Variants in PPP1R10 observed in about 807,000 individuals in gnomAD.
The protein encoded by PPP1R10 is protein phosphatase 1 regulatory subunit 10.
A neutral mutation model predicts 99.0 loss-of-function variants in PPP1R10; 15 were observed. The ratio of observed to expected loss-of-function variants is 0.15; its 90% CI spans 0.10 to 0.23. The LOEUF (loss-of-function observed/expected upper bound fraction) is 0.23, where lower values mean the gene tolerates loss of function less well. Among genes scored for constraint, PPP1R10 ranks in the 10% least tolerant of loss-of-function variants. PPP1R10 has a pLI of 1.00. For synonymous variants in PPP1R10, 430 were observed against 449.5 expected (o/e 0.96, Z 0.55); for missense variants, 947 against 1,259.4 (o/e 0.75, Z 3.75).
In PPP1R10 at chr6:30,601,588, G is replaced by A. The variant is rs1249123747; in HGVS notation, c.2784C>T (p.Ala928=). The part of the protein sequence containing the change: ...KGNCRYENNC[A]FYHPGVNGPP... ...GCCCATTGACACCCGGGTGGTAGAA[G>A]GCACAGTTGTTCTCATAGCGGCAGT... Residue 928 remains alanine (A), a synonymous_variant, in exon 20 of 20, where the codon GCC becomes GCT. Coordinates refer to ENST00000376511, the MANE Select transcript of PPP1R10 (RefSeq NM_002714.4). 2 of 1,614,142 alleles carry A rather than the reference G, an allele frequency of 1.2e-6. No individual in the cohort carries two copies. The highest frequency in any genetic ancestry group is 1.3e-5 in the African/African-American group (1 of 75,034).
chr6:30,601,412 A>C lies in PPP1R10; in HGVS notation c.*137T>G. 1 of 682,490 alleles carries C rather than the reference A, an allele frequency of 1.5e-6. No homozygotes were observed. Among genetic ancestry groups the C allele is most frequent in the South Asian group, 1.9e-5 (1 of 53,330 alleles). The allele number at this position is 682,490 out of a possible 1,614,324, so 42.3% of individuals were successfully genotyped here. A position where few individuals can be genotyped will look rare whatever the true frequency, so the allele number is the denominator to read the frequency against. On this transcript the variant is annotated 3_prime_UTR_variant, in exon 20 of 20. Transcript: ENST00000376511. ...TGATCAGAAAACCCCCAGGAACCCA[A>C]GCAAGTGGGAACTGAGGGGGCCGGC...
intron 5 of PPP1R10, among the ~76,000 whole-genome samples, 156 bp from the exon 6 acceptor site, chr6:30,608,047 G>A (rs1436626780): frequency 3.3e-5 from 5 of 150,806 alleles, no homozygotes; most frequent in African/African-American, 1.2e-4. Flanking sequence ...AGAGTGCAGT[G>A]GCGCAGTCTT....
chr6:30,603,739 A>G lies in PPP1R10; in HGVS notation c.1572+41T>C, dbSNP rs1017272624. The G allele has an allele frequency of 2.6e-6, 4 of 1,545,448 alleles. No homozygotes were observed. The African/African-American group carries it at 5.5e-5, about 21-fold the overall frequency. ...TCATATGAAAGATGCACCGAATTCA[A>G]TGACCATCACAACTTCCATCATCAC... On this transcript the variant is annotated intron_variant, in intron 15 of 19. Transcript: ENST00000376511.
At chr6:30,616,330 T>C (rs1044865097) in intron 2 of PPP1R10, 148 bp downstream of exon 2, 4 of 152,656 alleles carry the variant, frequency 2.6e-5, no homozygotes, top group African/African-American at 4.8e-5. Flanking sequence ...ACAGGCCCTT[T>C]TTAATGGAGA....
Position 30,609,705 on chromosome 6 carries a change from C to T in PPP1R10, c.107+133G>A, listed in dbSNP as rs2127446414. On this transcript the variant is annotated intron_variant, in intron 3 of 19. Coordinates refer to ENST00000376511, the MANE Select transcript of PPP1R10 (RefSeq NM_002714.4). This position sits in a 1 kb window ranked among gnomAD's most constrained non-coding sequence, Gnocchi z 4.5. Reference sequence around the variant, plus strand: ...CCTATCCCTTATCCTAAAATTGTTACATTTTAATCCTATTGCACTGACTAT... The same window carrying T: ...CCTATCCCTTATCCTAAAATTGTTATATTTTAATCCTATTGCACTGACTAT... 1 of 752,062 alleles carries T rather than the reference C, an allele frequency of 1.3e-6. No homozygotes were observed. The highest frequency in any genetic ancestry group is 1.7e-5 in the South Asian group (1 of 57,316). The allele number at this position is 752,062 out of a possible 1,614,324, so 46.6% of individuals were successfully genotyped here. A position where few individuals can be genotyped will look rare whatever the true frequency, so the allele number is the denominator to read the frequency against.
At position 30,606,629 on chromosome 6, in the gene PPP1R10, T is replaced by C. The variant is rs751819651; in HGVS notation, c.473A>G (p.Lys158Arg). 2.2e-5 allele frequency: 36 copies of C among 1,614,098 alleles called. No individual in the cohort carries two copies. Among genetic ancestry groups the C allele is most frequent in the Non-Finnish European group, 2.7e-5 (32 of 1,180,052 alleles). Residue 158 changes from lysine to arginine, a missense_variant, in exon 8 of 20, where the codon AAG (lysine) becomes AGG (arginine). Around this residue, in one of 10 missense-constraint regions of PPP1R10, gnomAD observed 92 missense variants for 159.2 expected, o/e 0.58. Coordinates refer to ENST00000376511, the MANE Select transcript of PPP1R10 (RefSeq NM_002714.4). This position sits in a 1 kb window ranked among gnomAD's most constrained non-coding sequence, Gnocchi z 6.3. ...SSTQPAEKDK[K>R]KRKDEGKSRT... ...ACTTTTTCCTTCATCTTTACGTTTC[T>C]TCTTATCTTTCTCTGTTGTGAAAAA... is the stretch of plus-strand genomic sequence containing the variant.
Position 30,601,439 on chromosome 6 carries a change from C to G in PPP1R10, c.*110G>C. ...CAAGTGGGAACTGAGGGGGCCGGCTCCTCATCAGCTGGGGAAAAGGGAAAA... is the reference window on the plus strand; with the variant it reads ...CAAGTGGGAACTGAGGGGGCCGGCTGCTCATCAGCTGGGGAAAAGGGAAAA... On this transcript the variant is annotated 3_prime_UTR_variant, in exon 20 of 20. Coordinates refer to ENST00000376511, the MANE Select transcript of PPP1R10 (RefSeq NM_002714.4). 2.3e-6 allele frequency: 2 copies of G among 885,504 alleles called. No homozygotes were observed. The highest frequency in any genetic ancestry group is 2.5e-5 in the Admixed American group (1 of 40,314). 54.9% of individuals were successfully genotyped at this position (885,504 alleles called of 1,614,324 possible). A position where few individuals can be genotyped will look rare whatever the true frequency, so the allele number is the denominator to read the frequency against.
In PPP1R10 at chr6:30,609,843, G is replaced by C. The variant is rs749488836; in HGVS notation, c.102C>G (p.Ile34Met). Reference protein sequence around the residue: ...EVKSVDGISKIFSLMKEARKM... With the variant: ...EVKSVDGISKMFSLMKEARKM... ...AAAAAGGGGTAAAGACTCACCTGAA[G>C]ATCTTGGAAATCCCATCCACACTTT... Residue 34 changes from isoleucine to methionine, a missense_variant, in exon 3 of 20, where the codon ATC becomes ATG. By Grantham distance (10) the Ile-to-Met change is conservative. This residue lies in a region of PPP1R10 where 82 missense variants were observed against 117.3 expected (regional missense o/e 0.70). Coordinates refer to ENST00000376511, the MANE Select transcript of PPP1R10 (RefSeq NM_002714.4). This position sits in a 1 kb window ranked among gnomAD's most constrained non-coding sequence, Gnocchi z 4.5. 1.2e-6 allele frequency: 2 copies of C among 1,612,570 alleles called. No homozygotes were observed. The highest frequency in any genetic ancestry group is 1.7e-6 in the Non-Finnish European group (2 of 1,178,638).
At chr6:30,605,748 T>C in intron 10 of PPP1R10, 175 bp downstream of exon 10, 1 of 655,636 alleles carries the variant, frequency 1.5e-6, no homozygotes, top group Non-Finnish European at 2.6e-6. Context: ...TAGTCCCAGC[T>C]ACTCGGGAGG....
Position 30,602,872 on chromosome 6 carries a change from G to T in PPP1R10, c.1931C>A (p.Pro644His). The change falls in exon 18 of 20, where the codon CCC (proline) becomes CAC (histidine). Residue 644 changes from proline (P) to histidine (H), a missense_variant. Transcript: ENST00000376511. The surrounding 1 kb of genome is among the most constrained non-coding windows in gnomAD (Gnocchi z 6.7). ...PGGPKGMQHF[P>H]PGPGGPMPGP... Reference sequence around the variant, plus strand: ...TGGCATAGGTCCCCCAGGTCCAGGGGGAAAGTGCTGCATGCCCTTGGGGCC... The same window carrying T: ...TGGCATAGGTCCCCCAGGTCCAGGGTGAAAGTGCTGCATGCCCTTGGGGCC... 1 of 1,555,952 alleles carries T rather than the reference G, an allele frequency of 6.4e-7. No individual in the cohort carries two copies. The highest frequency in any genetic ancestry group is 8.7e-7 in the Non-Finnish European group (1 of 1,148,904).
In PPP1R10 at chr6:30,604,488, C is replaced by T; in HGVS notation, c.1126G>A (p.Asp376Asn). Residue 376 changes from aspartate (D) to asparagine (N), a missense_variant, in exon 13 of 20, where the codon GAT (aspartate) becomes AAT (asparagine). By Grantham distance (23) the Asp-to-Asn change is conservative (BLOSUM62 1). This residue lies in a region of PPP1R10 where 100 missense variants were observed against 105.8 expected (regional missense o/e 0.94). Coordinates refer to ENST00000376511, the MANE Select transcript of PPP1R10 (RefSeq NM_002714.4). The surrounding 1 kb of genome is among the most constrained non-coding windows in gnomAD (Gnocchi z 7.3). The stretch of plus-strand genomic sequence containing the variant: ...CCAGGACTCTCCACTGGCTTGGCAT[C>T]CAGAGCTCCTGGCTCCAAAGAGGCT... The part of the protein sequence containing the change: ...DTASLEPGAL[D>N]AKPVESPGDP... The T allele has an allele frequency of 6.2e-7, 1 of 1,613,060 alleles. No homozygotes were observed. Among genetic ancestry groups the T allele is most frequent in the Non-Finnish European group, 8.5e-7 (1 of 1,180,024 alleles).
Position 30,606,969 on chromosome 6 carries a change from A to C in PPP1R10, c.383-113T>G. ...TGAAAATTTATGTAACGGAGAAAGT[A>C]ACCCAAAGTTTTAAGAAGAACATGA... On this transcript the variant is annotated intron_variant, in intron 6 of 19. Transcript: ENST00000376511. The surrounding 1 kb of genome is among the most constrained non-coding windows in gnomAD (Gnocchi z 6.3). 1.0e-6 allele frequency: 1 copy of C among 963,258 alleles called. No homozygotes were observed. Among genetic ancestry groups the C allele is most frequent in the Non-Finnish European group, 1.6e-6 (1 of 630,080 alleles). 59.7% of individuals were successfully genotyped at this position (963,258 alleles called of 1,614,324 possible).
chr6:30,607,992 T>TTA, intron 5 of PPP1R10, 101 bp from the exon 6 acceptor site: 1 of 1,234,184 alleles, frequency 8.1e-7, no homozygotes, highest in Non-Finnish European at 1.1e-6. Context: ...GCTTTTTTTT[T>TTA]TTTTTTTATT....
chr6:30,605,190 C>T, intron 10 of PPP1R10, 96 bp from the exon 11 acceptor site: 1 of 1,094,860 alleles, frequency 9.1e-7, no homozygotes, highest in Non-Finnish European at 1.3e-6. Flanking sequence ...CCAGTGAAGA[C>T]CCTGCCTCAA....
chr6:30,606,922 T>C lies in PPP1R10; in HGVS notation c.383-66A>G. The C allele has an allele frequency of 1.4e-6, 2 of 1,405,454 alleles. No homozygotes were observed. Among genetic ancestry groups the C allele is most frequent in the Non-Finnish European group, 2.0e-6 (2 of 1,006,474 alleles). The allele number at this position is 1,405,454 out of a possible 1,614,324, so 87.1% of individuals were successfully genotyped here. ...GTAACATTCTTCCAGGAACAGAAAATGGGAGGTTTGAGAAAATATTGTGAA... is the reference window on the plus strand; with the variant it reads ...GTAACATTCTTCCAGGAACAGAAAACGGGAGGTTTGAGAAAATATTGTGAA... On this transcript the variant is annotated intron_variant, in intron 6 of 19. Transcript: ENST00000376511. This position sits in a 1 kb window ranked among gnomAD's most constrained non-coding sequence, Gnocchi z 6.3.
Position 30,602,449 on chromosome 6 carries a change from G to T in PPP1R10, c.2200C>A (p.Pro734Thr), listed in dbSNP as rs1437400589. ...GARGGRSGGGPPNGRGGPGGG... is the reference protein window; with the variant it reads ...GARGGRSGGGTPNGRGGPGGG... The stretch of plus-strand genomic sequence containing the variant: ...CCAGGGCCCCCTCGTCCATTTGGGG[G>T]TCCTCCTCCAGAGCGACCTCCTCTG... The change falls in exon 19 of 20, where the codon CCC (proline) becomes ACC (threonine). Residue 734 changes from proline to threonine, a missense_variant. Physicochemically the swap from Pro to Thr is conservative, Grantham distance 38. Around this residue, in one of 10 missense-constraint regions of PPP1R10, gnomAD observed 525 missense variants for 578.8 expected, o/e 0.91. Coordinates refer to ENST00000376511, the MANE Select transcript of PPP1R10 (RefSeq NM_002714.4). The surrounding 1 kb of genome is among the most constrained non-coding windows in gnomAD (Gnocchi z 6.7). 3 of 1,601,990 alleles carry T rather than the reference G, an allele frequency of 1.9e-6. No individual in the cohort carries two copies. Among genetic ancestry groups the T allele is most frequent in the Admixed American group, 1.7e-5 (1 of 59,528 alleles).
chr6:30,606,319 A>T lies in PPP1R10; in HGVS notation c.635-76T>A. 1 of 1,579,310 alleles carries T rather than the reference A, an allele frequency of 6.3e-7. No individual in the cohort carries two copies. The highest frequency in any genetic ancestry group is 8.7e-7 in the Non-Finnish European group (1 of 1,155,354). ...GAATTTTCCTCCCGTTCTCACCCGC[A>T]AATGTTCTTCTAGCCTTGTAACCAA... On this transcript the variant is annotated intron_variant, in intron 8 of 19. Transcript: ENST00000376511. The surrounding 1 kb of genome is among the most constrained non-coding windows in gnomAD (Gnocchi z 6.3).
intron 2 of PPP1R10, among the ~76,000 whole-genome samples, chr6:30,615,167 T>TA (rs1561854667): frequency 6.7e-6 from 1 of 149,792 alleles, no homozygotes; most frequent in Admixed American, 6.7e-5. Flanking sequence ...AAAGAGGACT[T>TA]AAACTAAAAA....
chr6:30,602,249 G>C lies in PPP1R10; in HGVS notation c.2400C>G (p.His800Gln), dbSNP rs752399603. 6.2e-7 allele frequency: 1 copy of C among 1,611,430 alleles called. No individual in the cohort carries two copies. The highest frequency in any genetic ancestry group is 8.5e-7 in the Non-Finnish European group (1 of 1,179,202). The change falls in exon 19 of 20, where the codon CAC (histidine) becomes CAG (glutamine). Residue 800 changes from histidine to glutamine, a missense_variant. By Grantham distance (24) the His-to-Gln change is conservative. Transcript: ENST00000376511. This position sits in a 1 kb window ranked among gnomAD's most constrained non-coding sequence, Gnocchi z 6.7. ...CACTGATGCCACCGCCAGGGCCTTC[G>C]TGGGGACGATGTCCTCCACCCCCAC... ...SMGGGGGHRP[H>Q]EGPGGGISGG...
Sources: allele counts gnomAD v4.1 joint callset (sites outside exome capture counted in the v4.1 genomes callset), GRCh38; gene constraint gnomAD v4.1.1; regional missense constraint gnomAD v4.1.1; non-coding constraint Gnocchi (gnomAD v3.1); transcripts MANE v1.5; gene names NCBI Gene and HGNC (gene_info 2026-07-23, HGNC 2026-07-21).